GAS7: variants seen among roughly 807,000 people sequenced by gnomAD.
The protein encoded by GAS7 is growth arrest-specific protein 7.
A neutral mutation model predicts 71.1 loss-of-function variants in GAS7; 28 were observed. The observed-to-expected ratio is 0.39, with a 90% CI of 0.29 to 0.54. The LOEUF is 0.54. Among genes scored for constraint, GAS7 ranks in the 20% least tolerant of loss-of-function variants. GAS7 has a pLI of 0.62. For synonymous variants in GAS7, 258 were observed against 245.8 expected (o/e 1.05, Z -0.46); for missense variants, 436 against 627.8 (o/e 0.69, Z 3.27).
chr17:10,072,528 C>G (rs946700273), intron 1 of GAS7, among the ~76,000 whole-genome samples: 1 of 152,246 alleles, frequency 6.6e-6, no homozygotes, highest in African/African-American at 2.4e-5. Flanking sequence ...AGGCAGGAGT[C>G]CCATGAGCAT....
chr17:10,173,685 G>A (rs143447801), intron 1 of GAS7, among the ~76,000 whole-genome samples: 126 of 152,016 alleles, frequency 8.3e-4, no homozygotes, highest in Non-Finnish European at 1.4e-3. Flanking sequence ...AGAGAATGGC[G>A]TGAATGCGGG....
chr17:10,151,348 A>G (rs943830070), intron 1 of GAS7, among the ~76,000 whole-genome samples: 1 of 151,862 alleles, frequency 6.6e-6, no homozygotes, highest in Middle Eastern at 3.4e-3. Flanking sequence ...TTTTTTTTAA[A>G]TACTTGTCAC....
chr17:9,942,472 G>A (rs1347168645), intron 7 of GAS7, among the ~76,000 whole-genome samples: 1 of 151,666 alleles, frequency 6.6e-6, no homozygotes, highest in Non-Finnish European at 1.5e-5. Context: ...TCTCTTTGTC[G>A]ATTTCTCCAT....
chr17:9,937,967 AGG>A (rs2068460989), intron 8 of GAS7, among the ~76,000 whole-genome samples: 1 of 152,198 alleles, frequency 6.6e-6, no homozygotes, highest in African/African-American at 2.4e-5. Flanking sequence ...TGATCGATCC[AGG>A]CGCATTTAGG....
Position 9,911,434 on chromosome 17 carries a change from C to T in GAS7, c.*5794G>A, listed in dbSNP as rs2067433596. On this transcript the variant is annotated 3_prime_UTR_variant, in exon 14 of 14. Transcript: ENST00000432992. This position sits in a 1 kb window ranked among gnomAD's most constrained non-coding sequence, Gnocchi z 4.0. ...TCCCACTAAAGTTTCCCTCAAACAC[C>T]AAGGAACAGTCCTGAACACCACACG... 8.6e-6 allele frequency: 2 copies of T among 233,326 alleles called. No homozygotes were observed. The highest frequency in any genetic ancestry group is 4.4e-5 in the African/African-American group (2 of 45,306). 14.5% of individuals were successfully genotyped at this position (233,326 alleles called of 1,614,324 possible).
intron 5 of GAS7, among the ~76,000 whole-genome samples, chr17:9,949,514 G>C (rs1022571824): frequency 6.6e-6 from 1 of 152,072 alleles, no homozygotes; most frequent in African/African-American, 2.4e-5. Flanking sequence ...TAAATCTAGC[G>C]CACACCCCCT....
At chr17:10,016,105 G>T (rs1248243224) in intron 2 of GAS7, among the ~76,000 whole-genome samples, 1 of 152,152 alleles carries the variant, frequency 6.6e-6, no homozygotes, top group Non-Finnish European at 1.5e-5. Context: ...ATAAGTTAAG[G>T]TCGGGCACGG....
At chr17:10,122,723 C>T (rs1425707751) in intron 1 of GAS7, among the ~76,000 whole-genome samples, 1 of 152,182 alleles carries the variant, frequency 6.6e-6, no homozygotes, top group Non-Finnish European at 1.5e-5. Context: ...GACAGTTGTA[C>T]AATTAACTGA....
chr17:9,994,997 C>T (rs1040430651), intron 2 of GAS7, among the ~76,000 whole-genome samples: 9 of 152,208 alleles, frequency 5.9e-5, no homozygotes, highest in Non-Finnish European at 8.8e-5. Flanking sequence ...GACGTGGCAA[C>T]GGAAGAGTCC....
intron 2 of GAS7, among the ~76,000 whole-genome samples, chr17:9,998,034 A>G (rs1218366378): frequency 6.6e-6 from 1 of 152,218 alleles, no homozygotes; most frequent in Non-Finnish European, 1.5e-5. Context: ...GATTGATGTC[A>G]TCACTGGGAA....
intron 1 of GAS7, among the ~76,000 whole-genome samples, chr17:10,160,776 C>CA (rs1203630150): frequency 3.9e-5 from 6 of 152,114 alleles, no homozygotes; most frequent in African/African-American, 1.2e-4. Context: ...TTCACACAGG[C>CA]AAAATCATAA....
chr17:9,925,658 G>T, intron 10 of GAS7, 59 bp from the exon 11 acceptor site: 2 of 1,600,290 alleles, frequency 1.2e-6, no homozygotes, highest in Non-Finnish European at 8.6e-7. Context: ...GGGCCTCCTG[G>T]GCCACGCAGC....
At chr17:10,125,208 A>G (rs2073935322) in intron 1 of GAS7, among the ~76,000 whole-genome samples, 1 of 152,120 alleles carries the variant, frequency 6.6e-6, no homozygotes. Context: ...ATATTCTGAG[A>G]ATATTAAATT....
chr17:10,149,079 C>T (rs1191583537), intron 1 of GAS7, among the ~76,000 whole-genome samples: 1 of 152,028 alleles, frequency 6.6e-6, no homozygotes, highest in Admixed American at 6.6e-5. Flanking sequence ...CATTTTTGTT[C>T]ATTTTTATGT....
At chr17:10,122,564 T>A (rs62066700) in intron 1 of GAS7, among the ~76,000 whole-genome samples, 22,695 of 152,200 alleles carry the variant, frequency 0.15, 2,213 homozygotes, top group Non-Finnish European at 0.22. Context: ...GACTGCTGGT[T>A]TGATTAACAG....
chr17:9,980,882 C>T (rs1463362300), intron 3 of GAS7, among the ~76,000 whole-genome samples: 2 of 152,130 alleles, frequency 1.3e-5, no homozygotes, highest in East Asian at 3.9e-4. Context: ...TTTTAAAAAG[C>T]CACATGAAAG....
intron 9 of GAS7, among the ~76,000 whole-genome samples, chr17:9,929,619 CACCCGCCACCAA>C (rs2068136321): frequency 6.6e-6 from 1 of 152,152 alleles, no homozygotes; most frequent in African/African-American, 2.4e-5. Flanking sequence ...GGATTACAGG[CACCCGCCACCAA>C]ACCTGGCTAA....
intron 1 of GAS7, among the ~76,000 whole-genome samples, chr17:10,043,901 C>A (rs545610688): frequency 1.4e-4 from 21 of 152,322 alleles, no homozygotes; most frequent in African/African-American, 4.8e-4. Context: ...CCACTGCACT[C>A]CAGCCTGGGC....
Position 10,027,878 on chromosome 17 carries a change from G to A in GAS7, c.184-7981C>T, listed in dbSNP as rs574043352. 7.2e-5 allele frequency among the ~76,000 whole-genome samples: 11 copies of A among 152,230 alleles called. No individual in the cohort carries two copies. In the South Asian group the frequency reaches 2.3e-3, roughly 32 times the overall value. On this transcript the variant is annotated intron_variant, in intron 1 of 13. Coordinates refer to ENST00000432992, the MANE Select transcript of GAS7 (RefSeq NM_201433.2). ...CCCCTCCATCTCTCCAAAAATAAAGGTTTTTTGTTTGTTTGTTTTGTTTTT... is the reference window on the plus strand; with the variant it reads ...CCCCTCCATCTCTCCAAAAATAAAGATTTTTTGTTTGTTTGTTTTGTTTTT...
Sources: allele counts gnomAD v4.1 joint callset (sites outside exome capture counted in the v4.1 genomes callset), GRCh38; gene constraint gnomAD v4.1.1; non-coding constraint Gnocchi (gnomAD v3.1); transcripts MANE v1.5; gene names NCBI Gene and HGNC (gene_info 2026-07-23, HGNC 2026-07-21).